FKBP5: variants seen among roughly 807,000 people sequenced by gnomAD.
The protein encoded by FKBP5 is peptidyl-prolyl cis-trans isomerase FKBP5.
Under a neutral mutation model 50.5 loss-of-function variants are expected in FKBP5, and 23 were observed. The observed-to-expected ratio is 0.46, with a 90% CI of 0.33 to 0.65. The LOEUF is 0.65. Among genes scored for constraint, FKBP5 ranks in the 30% least tolerant of loss-of-function variants. The pLI is 0.02. For synonymous variants in FKBP5, 176 were observed against 190.6 expected (o/e 0.92, Z 0.63); for missense variants, 411 against 553.1 (o/e 0.74, Z 2.58).
rs1176604658 is a variant in FKBP5, at chr6:35,575,641, G to A, written c.*194C>T. 22 of 574,874 alleles carry A rather than the reference G, an allele frequency of 3.8e-5. No homozygotes were observed. The highest frequency in any genetic ancestry group is 2.0e-4 in the East Asian group (7 of 34,426). 35.6% of individuals were successfully genotyped at this position (574,874 alleles called of 1,614,324 possible). ...TGTTTGTTCCACCTGGAGTGGTCCC[G>A]TGCCACCCCTCAGTGAACCCTCCGG... On this transcript the variant is annotated 3_prime_UTR_variant, in exon 11 of 11. Transcript: ENST00000357266.
At chr6:35,634,163 TAACTCTC>T (rs1185108598) in intron 3 of FKBP5, among the ~76,000 whole-genome samples, 3 of 152,142 alleles carry the variant, frequency 2.0e-5, no homozygotes, top group Non-Finnish European at 4.4e-5. Context: ...CCTGTTATCT[TAACTCTC>T]AGCTTCTTTA....
At chr6:35,633,962 C>T (rs1302122525) in intron 3 of FKBP5, among the ~76,000 whole-genome samples, 1 of 152,130 alleles carries the variant, frequency 6.6e-6, no homozygotes, top group African/African-American at 2.4e-5. Context: ...ACAAAGTCAA[C>T]TGAAAGTTGC....
rs199657169 is a variant in FKBP5, at chr6:35,683,118, A to G, written c.-20+5686T>C. 1.4e-3 allele frequency among the ~76,000 whole-genome samples: 148 copies of G among 108,848 alleles called. 6 individuals are homozygous for G. Among genetic ancestry groups the G allele is most frequent in the East Asian group, 6.1e-3 (20 of 3,302 alleles). The allele number at this position is 108,848 out of a possible 152,430, so 71.4% of individuals were successfully genotyped here. A position where few individuals can be genotyped will look rare whatever the true frequency, so the allele number is the denominator to read the frequency against. On this transcript the variant is annotated intron_variant, in intron 1 of 10. Coordinates refer to ENST00000357266, the MANE Select transcript of FKBP5 (RefSeq NM_004117.4). ...AAAGTGTGTGTGTATATATATACGT[A>G]TATGTGTGTGTGTGTGTGTGTGTGT...
At chr6:35,673,240 T>C (rs964576632) in intron 1 of FKBP5, among the ~76,000 whole-genome samples, 7 of 152,150 alleles carry the variant, frequency 4.6e-5, no homozygotes, top group Admixed American at 3.9e-4. Context: ...ATGTGTTGTG[T>C]GTGGCATATA....
rs577800503 is a variant in FKBP5, at chr6:35,582,124, C to T, written c.841-1903G>A. Reference sequence around the variant, plus strand: ...CTGGGTGTGAATGAGGGCCAGGCTACATCCCTCGAACATCCTTCTTCCCAA... The same window carrying T: ...CTGGGTGTGAATGAGGGCCAGGCTATATCCCTCGAACATCCTTCTTCCCAA... On this transcript the variant is annotated intron_variant, in intron 8 of 10. Coordinates refer to ENST00000357266, the MANE Select transcript of FKBP5 (RefSeq NM_004117.4). The T allele has an allele frequency of 1.8e-5, 18 of 985,338 alleles. No individual in the cohort carries two copies. In the South Asian group the frequency reaches 8.5e-4, roughly 46 times the overall value. 61.0% of individuals were successfully genotyped at this position (985,338 alleles called of 1,614,324 possible).
chr6:35,638,837 A>G (rs572812928), intron 2 of FKBP5, among the ~76,000 whole-genome samples: 104 of 152,340 alleles, frequency 6.8e-4, no homozygotes, highest in African/African-American at 2.3e-3. Flanking sequence ...GCTCATGTTC[A>G]CGAACTGCAT....
intron 2 of FKBP5, among the ~76,000 whole-genome samples, chr6:35,708,033 A>G (rs1766352987): frequency 6.6e-6 from 1 of 152,194 alleles, no homozygotes; most frequent in Admixed American, 6.5e-5. Context: ...TATTGGTAAG[A>G]GCAAAGATTG....
At chr6:35,584,444 G>A in intron 8 of FKBP5, 1 of 985,464 alleles carries the variant, frequency 1.0e-6, no homozygotes, top group Non-Finnish European at 1.2e-6. Flanking sequence ...GCCCATCTCT[G>A]CTCTCACCTA....
chr6:35,587,473 C>G (rs1347049644), intron 7 of FKBP5, among the ~76,000 whole-genome samples: 1 of 152,248 alleles, frequency 6.6e-6, no homozygotes, highest in Non-Finnish European at 1.5e-5. Flanking sequence ...CTGCAAACCT[C>G]TCCACTAGGC....
chr6:35,677,591 A>AAGAAATT (rs1158789701), intron 1 of FKBP5, among the ~76,000 whole-genome samples: 1 of 152,210 alleles, frequency 6.6e-6, no homozygotes, highest in Non-Finnish European at 1.5e-5. Context: ...ATCCTGGGCC[A>AAGAAATT]CAGTCTGTGG....
chr6:35,705,612 T>C lies in FKBP5; in HGVS notation c.-20+14716A>G, dbSNP rs116955080. On this transcript the variant is annotated intron_variant, in intron 2 of 11. Coordinates refer to the FKBP5 transcript ENST00000536438. ...CATGCAAATGAAATAATATAAAATA[T>C]AGAAATAGTTCTAACTACCTATGGA... is the stretch of plus-strand genomic sequence containing the variant. 2.3e-3 allele frequency among the ~76,000 whole-genome samples: 347 copies of C among 152,174 alleles called. 5 individuals are homozygous for C. The South Asian group carries it at 0.029, about 13-fold the overall frequency.
intron 1 of FKBP5, among the ~76,000 whole-genome samples, chr6:35,669,782 A>C (rs1765332792): frequency 6.6e-6 from 1 of 152,248 alleles, no homozygotes; most frequent in Non-Finnish European, 1.5e-5. Context: ...CAAACCTCTT[A>C]TAACTTATGA....
intron 6 of FKBP5, among the ~76,000 whole-genome samples, chr6:35,593,966 C>T (rs1762898054): frequency 1.3e-5 from 2 of 152,092 alleles, no homozygotes; most frequent in South Asian, 4.1e-4. Flanking sequence ...ATTTATTAGT[C>T]TCAGTATTTA....
intron 1 of FKBP5, among the ~76,000 whole-genome samples, chr6:35,722,590 G>A (rs143218337): frequency 1.3e-5 from 2 of 152,216 alleles, no homozygotes; most frequent in East Asian, 3.9e-4. Context: ...CATCTCCCCG[G>A]GCTCTCCAAC....
rs143291011 is a variant in FKBP5 at position 35,677,129 on chromosome 6, A to G, written c.-20+11675T>C. On this transcript the variant is annotated intron_variant, in intron 1 of 10. Coordinates refer to ENST00000357266, the MANE Select transcript of FKBP5 (RefSeq NM_004117.4). ...CCCTCTGTCGCCCAGGCTGGAGTGC[A>G]GTGGCGCAATCTCGGCTCACTGCAA... 2.8e-4 allele frequency among the ~76,000 whole-genome samples: 42 copies of G among 152,330 alleles called. 1 individual carries two copies. The East Asian group carries it at 7.7e-3, about 28-fold the overall frequency.
chr6:35,584,151 A>G, intron 8 of FKBP5: 2 of 985,446 alleles, frequency 2.0e-6, no homozygotes, highest in Non-Finnish European at 2.4e-6. Flanking sequence ...GTGTCTGTTT[A>G]ACTCGCTTGC....
intron 2 of FKBP5, among the ~76,000 whole-genome samples, chr6:35,701,656 C>T (rs1394801004): frequency 6.6e-6 from 1 of 152,166 alleles, no homozygotes; most frequent in Non-Finnish European, 1.5e-5. Flanking sequence ...CCTCCCACCT[C>T]AGCCTCCTGA....
intron 2 of FKBP5, chr6:35,720,178 TGCGTGCACGC>T (rs1443862803): frequency 2.0e-5 from 3 of 152,328 alleles, no homozygotes; most frequent in African/African-American, 7.2e-5. Flanking sequence ...TGTATGTTAG[TGCGTGCACGC>T]GCATGTGTGG....
chr6:35,591,517 T>G (rs1316835892), intron 6 of FKBP5, among the ~76,000 whole-genome samples: 1 of 152,156 alleles, frequency 6.6e-6, no homozygotes, highest in Non-Finnish European at 1.5e-5. Context: ...TGTCTTTTTC[T>G]CTACTTGATT....
Sources: allele counts gnomAD v4.1 joint callset (sites outside exome capture counted in the v4.1 genomes callset), GRCh38; gene constraint gnomAD v4.1.1; transcripts MANE v1.5; gene names NCBI Gene and HGNC (gene_info 2026-07-23, HGNC 2026-07-21).